Variants in PIGU observed in about 807,000 individuals in gnomAD.
PIGU encodes GPI-anchor transamidase component PIGU.
A neutral mutation model predicts 49.9 loss-of-function variants in PIGU; 24 were observed. The observed-to-expected ratio is 0.48, with a 90% confidence interval of 0.35 to 0.68. PIGU has a LOEUF of 0.68. Among genes scored for constraint, PIGU ranks in the 30% least tolerant of loss-of-function variants. The pLI is 0.01. For missense variants in PIGU, 490 were observed against 532.6 expected (o/e 0.92, Z 0.79); for synonymous variants, 220 against 205.7 (o/e 1.07, Z -0.59).
chr20:34,658,105 G>A (rs1406329215), intron 1 of PIGU, among the ~76,000 whole-genome samples: 2 of 152,206 alleles, frequency 1.3e-5, no homozygotes, highest in East Asian at 1.9e-4. Context: ...TGATTCTCCT[G>A]CCTCAGCCTG....
At chr20:34,637,796 C>T in intron 5 of PIGU, 80 bp downstream of exon 5, 1 of 1,582,964 alleles carries the variant, frequency 6.3e-7, no homozygotes, top group Non-Finnish European at 8.5e-7. Flanking sequence ...TCCAAAAATA[C>T]AACAAACAAC....
intron 1 of PIGU, among the ~76,000 whole-genome samples, chr20:34,673,253 C>CAAAA (rs71282179): frequency 1.1e-5 from 1 of 88,816 alleles, no homozygotes. Context: ...GACTCCGTCT[C>CAAAA]AAAAAAAAAA....
chr20:34,641,459 T>C (rs564385305), intron 4 of PIGU, among the ~76,000 whole-genome samples: 14 of 152,300 alleles, frequency 9.2e-5, no homozygotes, highest in South Asian at 8.3e-4. Flanking sequence ...ACATAAATTC[T>C]GAGTTCCAAA....
At chr20:34,669,666 G>GA (rs34144980) in intron 1 of PIGU, among the ~76,000 whole-genome samples, 40,705 of 123,672 alleles carry the variant, frequency 0.33, 7,582 homozygotes, top group Admixed American at 0.54. Flanking sequence ...GACTCTGGCT[G>GA]AAAAAAAAAA....
chr20:34,583,180 G>T (rs1345900557), intron 9 of PIGU, among the ~76,000 whole-genome samples: 2 of 152,246 alleles, frequency 1.3e-5, no homozygotes, highest in African/African-American at 4.8e-5. Flanking sequence ...TGGCAAAGGC[G>T]TGCAGCCCTG....
chr20:34,576,228 A>T (rs1395411357), intron 10 of PIGU, among the ~76,000 whole-genome samples: 2 of 152,150 alleles, frequency 1.3e-5, no homozygotes, highest in African/African-American at 2.4e-5. Flanking sequence ...TTTAAAATTT[A>T]AAAATAAAAA....
intron 7 of PIGU, among the ~76,000 whole-genome samples, chr20:34,589,802 C>A (rs1983880733): frequency 6.6e-6 from 1 of 151,590 alleles, no homozygotes; most frequent in East Asian, 1.9e-4. Flanking sequence ...ACTACAGGTG[C>A]CTGCCACCAC....
chr20:34,630,078 G>C (rs1985647436), intron 6 of PIGU, among the ~76,000 whole-genome samples: 1 of 152,056 alleles, frequency 6.6e-6, no homozygotes, highest in African/African-American at 2.4e-5. Flanking sequence ...AGGTGCTATG[G>C]GAGGTGGGGG....
rs1438717995 is a variant in PIGU at position 34,637,822 on chromosome 20, C to T, written c.428+54G>A. 4 of 1,590,912 alleles carry T rather than the reference C, an allele frequency of 2.5e-6. No individual in the cohort carries two copies. The African/African-American group carries it at 4.1e-5, about 16-fold the overall frequency. On this transcript the variant is annotated intron_variant, in intron 5 of 11. Coordinates refer to ENST00000217446, the MANE Select transcript of PIGU (RefSeq NM_080476.5). ...AACAAACAACATGGGAAAGTCTCAT[C>T]AGATTTTCCTCGCATTTGTTGGCAC...
intron 11 of PIGU, among the ~76,000 whole-genome samples, chr20:34,566,532 A>G (rs1568618278): frequency 6.6e-6 from 1 of 152,192 alleles, no homozygotes; most frequent in African/African-American, 2.4e-5. Flanking sequence ...CCCTCAGAAC[A>G]TGCTCTAGTG....
intron 6 of PIGU, among the ~76,000 whole-genome samples, chr20:34,620,040 G>A (rs372030534): frequency 5.9e-5 from 9 of 152,080 alleles, no homozygotes; most frequent in East Asian, 3.9e-4. Flanking sequence ...CCTCCTTAGC[G>A]GTCTCCCAAC....
chr20:34,638,032 A>G (rs1185463512), intron 4 of PIGU, 47 bp from the exon 5 acceptor site: 56 of 1,546,000 alleles, frequency 3.6e-5, no homozygotes, highest in Non-Finnish European at 4.4e-5. Flanking sequence ...GAAACAATTC[A>G]CTTCCCATTG....
At chr20:34,605,954 T>C (rs1984595185) in intron 7 of PIGU, among the ~76,000 whole-genome samples, 1 of 151,988 alleles carries the variant, frequency 6.6e-6, no homozygotes, top group African/African-American at 2.4e-5. Flanking sequence ...TATCATCACA[T>C]CCAGGTAATC....
At chr20:34,587,031 A>G (rs1387499289) in intron 8 of PIGU, among the ~76,000 whole-genome samples, 1 of 152,204 alleles carries the variant, frequency 6.6e-6, no homozygotes, top group East Asian at 1.9e-4. Flanking sequence ...ACTAGGCATA[A>G]ATGGGTTAAT....
intron 6 of PIGU, among the ~76,000 whole-genome samples, chr20:34,632,372 C>CT (rs200696090): frequency 0.011 from 1,626 of 143,918 alleles, 17 homozygotes; most frequent in African/African-American, 0.018. Flanking sequence ...CTCATATACC[C>CT]TTTTTTTTTT....
At position 34,574,589 on chromosome 20, in the gene PIGU, G is replaced by C. The variant is rs189371965; in HGVS notation, c.1194+515C>G. On this transcript the variant is annotated intron_variant, in intron 11 of 11. Coordinates refer to ENST00000217446, the MANE Select transcript of PIGU (RefSeq NM_080476.5). ...ACAATTTATGCTCAACTCCCCAACA[G>C]CCAGACCGGCCCCCTTCTCCTCTGC... 1.5e-3 allele frequency among the ~76,000 whole-genome samples: 232 copies of C among 152,168 alleles called. 2 individuals are homozygous for C. Among genetic ancestry groups the C allele is most frequent in the Non-Finnish European group, 2.3e-3 (158 of 67,988 alleles).
chr20:34,601,725 T>A (rs536747926), intron 7 of PIGU, among the ~76,000 whole-genome samples: 1 of 152,334 alleles, frequency 6.6e-6, no homozygotes, highest in East Asian at 1.9e-4. Context: ...TCAATGAGCT[T>A]TCTTTCAAAG....
At chr20:34,671,666 A>G (rs1223869478) in intron 1 of PIGU, among the ~76,000 whole-genome samples, 1 of 152,036 alleles carries the variant, frequency 6.6e-6, no homozygotes, top group African/African-American at 2.4e-5. Context: ...CACACCTGTA[A>G]TCCACCACTT....
intron 7 of PIGU, among the ~76,000 whole-genome samples, chr20:34,610,982 CT>C (rs1600626492): frequency 6.6e-6 from 1 of 152,264 alleles, no homozygotes; most frequent in East Asian, 1.9e-4. Flanking sequence ...ATAAATGGTG[CT>C]GGGGAAACTG....
Sources: gnomAD v4.1 joint callset for allele counts (sites outside exome capture counted in the v4.1 genomes callset) on GRCh38, gnomAD v4.1.1 for gene constraint, MANE v1.5 for transcripts, NCBI Gene and HGNC (gene_info 2026-07-23, HGNC 2026-07-21) for gene names.